Variants in MECOM observed in about 807,000 individuals in gnomAD.
MECOM encodes histone-lysine N-methyltransferase MECOM.
In MECOM, 13 loss-of-function variants were observed where a neutral mutation model predicts 116.3. That is an observed-to-expected ratio of 0.11 (90% confidence interval 0.07 to 0.18). The LOEUF is 0.18. Among genes scored for constraint, MECOM ranks in the 10% least tolerant of loss-of-function variants. The pLI, the probability that MECOM is intolerant of heterozygous loss-of-function variation, is 1.00. For synonymous variants in MECOM, 528 were observed against 535.2 expected (o/e 0.99, Z 0.19); for missense variants, 1,299 against 1,509.0 (o/e 0.86, Z 2.31).
At chr3:169,639,639 C>T (rs1195986005) in intron 1 of MECOM, among the ~76,000 whole-genome samples, 2 of 152,080 alleles carry the variant, frequency 1.3e-5, no homozygotes, top group East Asian at 1.9e-4. Flanking sequence ...CTAATATCTT[C>T]CAAGTATATA....
At position 169,090,250 on chromosome 3, in the gene MECOM, T is replaced by TA. The variant is rs35507790; in HGVS notation, c.3165-15dup. On this transcript the variant is annotated splice_polypyrimidine_tract_variant and intron_variant, in intron 14 of 16. Transcript: ENST00000651503. ...CTGCCATTCATTCTTTCAAAAGCAT[T>TA]AAAAAAAAAGTCCAATTGTTGGTTT... 9.1e-4 allele frequency: 1,386 copies of TA among 1,531,268 alleles called. 1 individual carries two copies. The highest frequency in any genetic ancestry group is 4.1e-3 in the South Asian group (332 of 81,684). 94.9% of individuals were successfully genotyped at this position (1,531,268 alleles called of 1,614,324 possible).
chr3:169,598,232 A>G (rs6803541), intron 1 of MECOM, among the ~76,000 whole-genome samples: 49,840 of 152,090 alleles, frequency 0.33, 8,553 homozygotes, highest in East Asian at 0.55. Context: ...AAGGTATCCA[A>G]TAAACAAGCA....
At chr3:169,193,018 G>A (rs999283689) in intron 2 of MECOM, among the ~76,000 whole-genome samples, 1 of 151,940 alleles carries the variant, frequency 6.6e-6, no homozygotes, top group African/African-American at 2.4e-5. Flanking sequence ...GGGGGCAGGG[G>A]TAATATCGAA....
At chr3:169,254,397 A>G (rs796863449) in intron 2 of MECOM, among the ~76,000 whole-genome samples, 28 of 152,196 alleles carry the variant, frequency 1.8e-4, no homozygotes, top group African/African-American at 6.5e-4. Flanking sequence ...AATCTCTTCT[A>G]CCTAAGGCAG....
chr3:169,161,017 C>T (rs919268741), intron 2 of MECOM, among the ~76,000 whole-genome samples: 3 of 152,130 alleles, frequency 2.0e-5, no homozygotes, highest in African/African-American at 7.2e-5. Flanking sequence ...TGTTGCAAAG[C>T]AGGACAATGA....
chr3:169,291,902 G>A (rs1714633592), intron 2 of MECOM, among the ~76,000 whole-genome samples: 1 of 152,000 alleles, frequency 6.6e-6, no homozygotes, highest in African/African-American at 2.4e-5. Context: ...AATACCACAG[G>A]GAGCTGCATA....
intron 2 of MECOM, among the ~76,000 whole-genome samples, chr3:169,337,384 C>G (rs1401139374): frequency 6.6e-6 from 1 of 152,134 alleles, no homozygotes; most frequent in Non-Finnish European, 1.5e-5. Flanking sequence ...AAAGCATAAG[C>G]TTGGAAGAGA....
At chr3:169,481,395 AT>A (rs1279408816) in intron 1 of MECOM, among the ~76,000 whole-genome samples, 1 of 152,138 alleles carries the variant, frequency 6.6e-6, no homozygotes, top group East Asian at 1.9e-4. Flanking sequence ...TCTACTAAAA[AT>A]ACAAAAATTA....
chr3:169,498,090 T>C (rs1754057043), intron 1 of MECOM, among the ~76,000 whole-genome samples: 1 of 152,224 alleles, frequency 6.6e-6, no homozygotes, highest in Non-Finnish European at 1.5e-5. Flanking sequence ...CATTAATGTT[T>C]AATCCAAGGA....
intron 2 of MECOM, among the ~76,000 whole-genome samples, chr3:169,351,636 C>A (rs936207532): frequency 1.3e-5 from 2 of 151,618 alleles, no homozygotes; most frequent in Non-Finnish European, 2.9e-5. Flanking sequence ...CAAATGTATC[C>A]CTTATTAAAA....
At chr3:169,273,909 CTTTT>C (rs545229387) in intron 2 of MECOM, among the ~76,000 whole-genome samples, 1 of 117,092 alleles carries the variant, frequency 8.5e-6, no homozygotes. Context: ...CTCTCCAAAG[CTTTT>C]TTTTTTTTTT....
chr3:169,107,502 T>A (rs1311254515), intron 10 of MECOM, among the ~76,000 whole-genome samples: 1 of 151,930 alleles, frequency 6.6e-6, no homozygotes, highest in Non-Finnish European at 1.5e-5. Context: ...TGAATTCCCA[T>A]GTCAGCCTGT....
intron 2 of MECOM, among the ~76,000 whole-genome samples, chr3:169,336,921 A>C (rs1487414642): frequency 6.6e-6 from 1 of 152,196 alleles, no homozygotes; most frequent in Non-Finnish European, 1.5e-5. Context: ...TGATAGAAAC[A>C]TCTCAGTAAC....
intron 1 of MECOM, among the ~76,000 whole-genome samples, chr3:169,437,649 G>A (rs1742888172): frequency 6.6e-6 from 1 of 152,132 alleles, no homozygotes; most frequent in African/African-American, 2.4e-5. Flanking sequence ...CCAGCAAATA[G>A]GGGTAAAGCT....
intron 1 of MECOM, among the ~76,000 whole-genome samples, chr3:169,442,850 A>G (rs1293314208): frequency 6.6e-6 from 1 of 152,136 alleles, no homozygotes; most frequent in East Asian, 1.9e-4. Flanking sequence ...TGAATACAGA[A>G]TTGGTCAAAT....
chr3:169,491,075 C>G (rs1181273395), intron 1 of MECOM, among the ~76,000 whole-genome samples: 1 of 152,066 alleles, frequency 6.6e-6, no homozygotes, highest in Non-Finnish European at 1.5e-5. Flanking sequence ...CCAAACCAGT[C>G]TTAAACCCCT....
chr3:169,259,035 A>G (rs1577494028), intron 2 of MECOM, among the ~76,000 whole-genome samples: 2 of 152,320 alleles, frequency 1.3e-5, no homozygotes, highest in East Asian at 3.9e-4. Context: ...CGACTCTATC[A>G]TGAATATGTA....
rs896582395 is a variant in MECOM, at chr3:169,095,344, A to G, written c.2850-99T>C. 3 of 989,244 alleles carry G rather than the reference A, an allele frequency of 3.0e-6. No homozygotes were observed. In the African/African-American group the frequency reaches 4.9e-5, roughly 16 times the overall value. 61.3% of individuals were successfully genotyped at this position (989,244 alleles called of 1,614,324 possible). On this transcript the variant is annotated intron_variant, in intron 12 of 16. Coordinates refer to ENST00000651503, the MANE Select transcript of MECOM (RefSeq NM_004991.4). ...CAAAAATCATCTCCACTCATAAAAC[A>G]ACATTTTAAAGAAAAGGCACAGGGA... is the stretch of plus-strand genomic sequence containing the variant.
At chr3:169,191,719 AAAAAGAAAGAAAGAAAGAAAGAGAAAG>A (rs200888710) in intron 2 of MECOM, among the ~76,000 whole-genome samples, 846 of 38,174 alleles carry the variant, frequency 0.022, 10 homozygotes, top group Middle Eastern at 0.045. Context: ...AAAGAAAGAA[AAAAAGAAAGAAAGAAAGAAAGAGAAAG>A]AAAGAAAGAA....
Sources: gnomAD v4.1 joint callset for allele counts (sites outside exome capture counted in the v4.1 genomes callset) on GRCh38, gnomAD v4.1.1 for gene constraint, MANE v1.5 for transcripts, NCBI Gene and HGNC (gene_info 2026-07-23, HGNC 2026-07-21) for gene names.